Variants in NGEF observed in about 807,000 individuals in gnomAD.
NGEF encodes the protein neuronal guanine nucleotide exchange factor.
In NGEF, 31 loss-of-function variants were observed where a neutral mutation model predicts 80.9. The observed-to-expected ratio is 0.38, with a 90% CI of 0.29 to 0.52. The LOEUF (loss-of-function observed/expected upper bound fraction) is 0.52. Ranked by LOEUF, NGEF falls within the 20% of genes least tolerant of loss-of-function variation. The pLI is 0.84. For missense variants in NGEF, 709 were observed against 926.2 expected, an observed-to-expected ratio of 0.77 and a Z score of 3.04; for synonymous variants, 371 against 370.2, an observed-to-expected ratio of 1.00 and a Z score of -0.03.
At chr2:232,945,860 T>C (rs2106301371) in intron 3 of NGEF, among the ~76,000 whole-genome samples, 1 of 152,194 alleles carries the variant, frequency 6.6e-6, no homozygotes, top group South Asian at 2.1e-4. Flanking sequence ...CACAACATAC[T>C]GATGTTGAGG....
Position 232,879,439 on chromosome 2 carries a change from C to CCCAGGGGGGGGGGGGGG in NGEF, c.*49_*50insCCCCCCCCCCCCCCTGG. The CCCAGGGGGGGGGGGGGG allele has an allele frequency of 8.3e-7, 1 of 1,207,786 alleles. No homozygotes were observed. The highest frequency in any genetic ancestry group is 1.2e-6 in the Non-Finnish European group (1 of 847,438). 74.8% of individuals were successfully genotyped at this position (1,207,786 alleles called of 1,614,324 possible). A position where few individuals can be genotyped will look rare whatever the true frequency, so the allele number is the denominator to read the frequency against. On this transcript the variant is annotated 3_prime_UTR_variant, in exon 15 of 15. Coordinates refer to ENST00000264051, the MANE Select transcript of NGEF (RefSeq NM_019850.3). Reference sequence around the variant, plus strand: ...CCCAGAGCCCCCCCCCCCCCACCTTCTGTCGGGGTCTCATGCAGGCCCTGC... The same window carrying CCCAGGGGGGGGGGGGGG: ...CCCAGAGCCCCCCCCCCCCCACCTTCCCAGGGGGGGGGGGGGGTGTCGGGGTCTCATGCAGGCCCTGC...
intron 5 of NGEF, among the ~76,000 whole-genome samples, chr2:232,902,185 G>A (rs543718007): frequency 6.6e-6 from 1 of 152,334 alleles, no homozygotes; most frequent in Non-Finnish European, 1.5e-5. Flanking sequence ...TCACAAAGTT[G>A]CCTCGGTGCC....
chr2:232,885,052 C>T (rs1020157515), intron 10 of NGEF: 16 of 555,644 alleles, frequency 2.9e-5, no homozygotes, highest in African/African-American at 5.7e-5. Flanking sequence ...ACACTAGCCC[C>T]GCACTCCCGT....
chr2:232,939,822 A>T (rs1398589767), intron 3 of NGEF, among the ~76,000 whole-genome samples: 1 of 151,992 alleles, frequency 6.6e-6, no homozygotes, highest in Non-Finnish European at 1.5e-5. Context: ...ACACGGTGAA[A>T]CCCCATTTCT....
At chr2:232,941,796 T>C (rs1425681697) in intron 3 of NGEF, among the ~76,000 whole-genome samples, 1 of 152,192 alleles carries the variant, frequency 6.6e-6, no homozygotes, top group Non-Finnish European at 1.5e-5. Flanking sequence ...AACACCTCAA[T>C]TCACTACATA....
At chr2:232,959,809 C>T (rs1394424433) in intron 3 of NGEF, among the ~76,000 whole-genome samples, 1 of 152,174 alleles carries the variant, frequency 6.6e-6, no homozygotes, top group East Asian at 1.9e-4. Flanking sequence ...GAACTCCCAA[C>T]CTCAGGTAAT....
Position 232,891,434 on chromosome 2 carries a change from T to C in NGEF, c.1196A>G (p.Lys399Arg). 1 of 1,613,430 alleles carries C rather than the reference T, an allele frequency of 6.2e-7. No individual in the cohort carries two copies. Among genetic ancestry groups the C allele is most frequent in the Non-Finnish European group, 8.5e-7 (1 of 1,179,964 alleles). Reference protein sequence around the residue: ...ELIAQLELDPKCRGLPFSSFL... With the variant: ...ELIAQLELDPRCRGLPFSSFL... ...GGAGGAGAAGGGCAGCCCCCTGCACTTGGGGTCGAGCTCTAGCTGCGCGAT... is the reference window on the plus strand; with the variant it reads ...GGAGGAGAAGGGCAGCCCCCTGCACCTGGGGTCGAGCTCTAGCTGCGCGAT... The change falls in exon 8 of 15, where the codon AAG becomes AGG. Residue 399 changes from lysine (K) to arginine (R), a missense_variant. By Grantham distance (26) the Lys-to-Arg change is conservative. Around this residue, in one of 2 missense-constraint regions of NGEF, gnomAD observed 426 missense variants for 622.9 expected, o/e 0.68. Coordinates refer to ENST00000264051, the MANE Select transcript of NGEF (RefSeq NM_019850.3).
At chr2:232,920,143 T>G (rs1182836989) in intron 5 of NGEF, 141 bp downstream of exon 5, 8 of 748,480 alleles carry the variant, frequency 1.1e-5, no homozygotes, top group Non-Finnish European at 1.3e-5. Context: ...TTTTTCTGCA[T>G]GTTCTAGATG....
chr2:232,910,497 G>A (rs1030023723), intron 5 of NGEF, among the ~76,000 whole-genome samples: 41 of 152,272 alleles, frequency 2.7e-4, no homozygotes, highest in African/African-American at 9.6e-4. Context: ...CCCTGTGCTA[G>A]ACATCCTGTG....
intron 3 of NGEF, among the ~76,000 whole-genome samples, chr2:232,958,731 AT>A (rs1196740783): frequency 2.6e-5 from 4 of 152,236 alleles, no homozygotes; most frequent in African/African-American, 9.6e-5. Flanking sequence ...CTTTAAAAAA[AT>A]AAACATATTA....
At chr2:232,989,129 T>A (rs1350140918) in intron 1 of NGEF, among the ~76,000 whole-genome samples, 1 of 152,178 alleles carries the variant, frequency 6.6e-6, no homozygotes, top group Non-Finnish European at 1.5e-5. Context: ...TTAAGGTATG[T>A]ACCTTTTAAT....
In NGEF at chr2:232,893,043, G is replaced by A; in HGVS notation, c.997C>T (p.Leu333=). The change falls in exon 7 of 15, where the codon CTG becomes TTG. Residue 333 remains leucine (L), a synonymous_variant. Coordinates refer to ENST00000264051, the MANE Select transcript of NGEF (RefSeq NM_019850.3). ...DVLAVSERFL[L]ELEHRMEENI... is the part of the protein sequence containing the mutation. ...TCCTCCATCCGGTGCTCCAGCTCCA[G>A]GAGGAACCTACGAGAGGCAGCGGCT... The A allele has an allele frequency of 6.2e-7, 1 of 1,612,050 alleles. No individual in the cohort carries two copies.
At chr2:232,887,016 G>A (rs1335797508) in intron 9 of NGEF, among the ~76,000 whole-genome samples, 1 of 152,272 alleles carries the variant, frequency 6.6e-6, no homozygotes, top group Non-Finnish European at 1.5e-5. Context: ...CAGGAGGAGT[G>A]GCCCGAGGTG....
chr2:232,933,467 G>A (rs1411861499), intron 3 of NGEF, among the ~76,000 whole-genome samples: 1 of 152,084 alleles, frequency 6.6e-6, no homozygotes, highest in African/African-American at 2.4e-5. Flanking sequence ...CCTGGTAACT[G>A]GACTACTTCA....
chr2:233,005,310 G>A (rs1424521049), intron 1 of NGEF, among the ~76,000 whole-genome samples: 2 of 152,192 alleles, frequency 1.3e-5, no homozygotes, highest in Non-Finnish European at 2.9e-5. Context: ...GTGCAGTGGG[G>A]GAGCAGTGCC....
rs187156126 is a variant in NGEF at position 232,935,539 on chromosome 2, G to A, written c.384-8353C>T. 1.7e-3 allele frequency among the ~76,000 whole-genome samples: 252 copies of A among 152,210 alleles called. 1 individual carries two copies. Among genetic ancestry groups the A allele is most frequent in the African/African-American group, 5.9e-3 (247 of 41,536 alleles). ...AGGCTGAGGCAGGAGAATTGCTTGAGCCCAGGAGGTGGAGGTTACAGTGAG... is the reference window on the plus strand; with the variant it reads ...AGGCTGAGGCAGGAGAATTGCTTGAACCCAGGAGGTGGAGGTTACAGTGAG... On this transcript the variant is annotated intron_variant, in intron 3 of 14. Coordinates refer to ENST00000264051, the MANE Select transcript of NGEF (RefSeq NM_019850.3).
chr2:232,975,197 G>C (rs1694267334), intron 1 of NGEF, among the ~76,000 whole-genome samples: 1 of 152,138 alleles, frequency 6.6e-6, no homozygotes, highest in South Asian at 2.1e-4. Flanking sequence ...ACTTTTAGGG[G>C]GAAATGTTTA....
At chr2:232,941,862 C>T (rs1323060833) in intron 3 of NGEF, among the ~76,000 whole-genome samples, 11 of 152,196 alleles carry the variant, frequency 7.2e-5, no homozygotes, top group Admixed American at 7.2e-4. Flanking sequence ...TCAACTTTTA[C>T]AGTAAATTAC....
intron 5 of NGEF, 151 bp from the exon 6 acceptor site, chr2:232,895,067 G>A (rs917945369): frequency 2.2e-5 from 18 of 807,608 alleles, no homozygotes; most frequent in Middle Eastern, 2.7e-4. Context: ...CTGCTGCAGG[G>A]GCAGCTGGTA....
Sources: gnomAD v4.1 joint callset for allele counts (sites outside exome capture counted in the v4.1 genomes callset) on GRCh38, gnomAD v4.1.1 for gene constraint, gnomAD v4.1.1 regional missense constraint, MANE v1.5 for transcripts, NCBI Gene and HGNC (gene_info 2026-07-23, HGNC 2026-07-21) for gene names.